Variants in RARS1 observed in about 807,000 individuals in gnomAD.
RARS1 encodes arginyl-tRNA synthetase 1.
RARS1 carries 75 observed loss-of-function variants against 78.7 expected under a neutral mutation model. The ratio of observed to expected loss-of-function variants is 0.95; its 90% CI spans 0.79 to 1.15. The LOEUF is 1.15. RARS1 is among the 50% of genes most tolerant of loss of function. RARS1 has a pLI of 0.00. For missense variants in RARS1, 787 were observed against 787.5 expected, an observed-to-expected ratio of 1.00 and a Z score of 0.01; for synonymous variants, 273 against 268.2, an observed-to-expected ratio of 1.02 and a Z score of -0.18.
At chr5:168,505,286 A>T (rs1582436643) in intron 9 of RARS1, among the ~76,000 whole-genome samples, 1 of 110 alleles carries the variant, frequency 9.1e-3, no homozygotes, top group Admixed American at 0.1. Context: ...AGCACTCTTA[A>T]TAGCTGCTAC....
At position 168,492,780 on chromosome 5, in the gene RARS1, T is replaced by C. The variant is rs763762651; in HGVS notation, c.302T>C (p.Leu101Pro). 6.2e-7 allele frequency: 1 copy of C among 1,613,964 alleles called. No individual in the cohort carries two copies. The highest frequency in any genetic ancestry group is 1.1e-5 in the South Asian group (1 of 91,074). The part of the protein sequence containing the change: ...AYPDLENPPL[L>P]VTPSQQAKFG... Reference sequence around the variant, plus strand: ...CCAGATTTGGAAAATCCTCCTCTGCTAGTGACACCAAGTCAGCAGGCCAAG... The same window carrying C: ...CCAGATTTGGAAAATCCTCCTCTGCCAGTGACACCAAGTCAGCAGGCCAAG... Residue 101 changes from leucine to proline, a missense_variant, in exon 3 of 15, where the codon CTA becomes CCA. Leu to Pro is a moderately conservative substitution (Grantham distance 98). Coordinates refer to ENST00000231572, the MANE Select transcript of RARS1 (RefSeq NM_002887.4).
chr5:168,507,815 G>A (rs1237747553), intron 11 of RARS1, among the ~76,000 whole-genome samples: 1 of 151,728 alleles, frequency 6.6e-6, no homozygotes, highest in Non-Finnish European at 1.5e-5. Flanking sequence ...CAATGCTGGA[G>A]GATTGTGTGA....
At chr5:168,513,723 T>G (rs1474434766) in intron 12 of RARS1, among the ~76,000 whole-genome samples, 1 of 152,194 alleles carries the variant, frequency 6.6e-6, no homozygotes, top group Non-Finnish European at 1.5e-5. Flanking sequence ...TTATTTTGCA[T>G]TAGACAATCA....
At chr5:168,495,166 G>A (rs2152903937) in intron 5 of RARS1, 149 bp from the exon 6 acceptor site, 1 of 1,329,068 alleles carries the variant, frequency 7.5e-7, no homozygotes, top group Non-Finnish European at 9.9e-7. Context: ...TTGAATTACG[G>A]CCCAAATTAA....
At chr5:168,514,156 T>G (rs1758619898) in intron 12 of RARS1, among the ~76,000 whole-genome samples, 1 of 152,220 alleles carries the variant, frequency 6.6e-6, no homozygotes, top group African/African-American at 2.4e-5. Flanking sequence ...AGGCTTTATT[T>G]TTAGTACTTT....
chr5:168,492,582 C>A, intron 2 of RARS1, 77 bp from the exon 3 acceptor site: 1 of 1,264,010 alleles, frequency 7.9e-7, no homozygotes, highest in South Asian at 1.5e-5. Context: ...GAGGTTTATA[C>A]TCAAAATATT....
chr5:168,517,624 T>C (rs1758697935), intron 13 of RARS1, among the ~76,000 whole-genome samples, 191 bp from the exon 14 acceptor site: 1 of 150,490 alleles, frequency 6.6e-6, no homozygotes, highest in Non-Finnish European at 1.5e-5. Context: ...AAAAGAATTA[T>C]ATTTCCATTT....
intron 10 of RARS1, among the ~76,000 whole-genome samples, chr5:168,506,434 A>G (rs983726253): frequency 9.2e-5 from 14 of 152,170 alleles, no homozygotes; most frequent in Admixed American, 4.6e-4. Flanking sequence ...AATTGTTCCT[A>G]TCAGTAGGGT....
intron 2 of RARS1, among the ~76,000 whole-genome samples, chr5:168,490,186 T>C (rs369198818): frequency 1.3e-5 from 2 of 152,360 alleles, no homozygotes; most frequent in Non-Finnish European, 1.5e-5. Flanking sequence ...GTGCTTGTCT[T>C]TGAGTCTTCT....
chr5:168,491,246 A>G (rs536192721), intron 2 of RARS1, among the ~76,000 whole-genome samples: 3 of 152,060 alleles, frequency 2.0e-5, no homozygotes, highest in East Asian at 1.9e-4. Context: ...TGTAATCTCA[A>G]TGCTTTGGGA....
At chr5:168,508,133 A>G (rs1282573294) in intron 11 of RARS1, among the ~76,000 whole-genome samples, 1 of 152,182 alleles carries the variant, frequency 6.6e-6, no homozygotes. Context: ...ATAGTATCTT[A>G]GTTTCTTAAC....
At position 168,492,720 on chromosome 5, in the gene RARS1, A is replaced by C. The variant is rs1417582258; in HGVS notation, c.242A>C (p.Gln81Pro). The change falls in exon 3 of 15, where the codon CAA becomes CCA. Residue 81 changes from glutamine to proline, a missense_variant. Transcript: ENST00000231572. ...KNMINIISRL[Q>P]EVFGHAIKAA... ...ATGATTAACATTATTAGCCGCCTAC[A>C]AGAGGTCTTTGGTCATGCAATTAAG... 3 of 1,612,898 alleles carry C rather than the reference A, an allele frequency of 1.9e-6. No individual in the cohort carries two copies. The highest frequency in any genetic ancestry group is 2.5e-6 in the Non-Finnish European group (3 of 1,179,008).
intron 8 of RARS1, among the ~76,000 whole-genome samples, chr5:168,501,736 A>G (rs1582434016): frequency 6.6e-6 from 1 of 152,314 alleles, no homozygotes; most frequent in East Asian, 1.9e-4. Context: ...AAATAATAAT[A>G]AAAAGAAAGT....
intron 12 of RARS1, among the ~76,000 whole-genome samples, chr5:168,511,412 A>G (rs1181805577): frequency 2.0e-5 from 3 of 151,666 alleles, no homozygotes; most frequent in Non-Finnish European, 4.4e-5. Flanking sequence ...AAGCAGGAGC[A>G]AGAGAGAGAG....
rs149489223 is a variant in RARS1, at chr5:168,486,508, C to T, written c.10C>T (p.Leu4=). The T allele has an allele frequency of 7.3e-4, 1,134 of 1,559,062 alleles. 6 individuals are homozygous for T. The highest frequency in any genetic ancestry group is 2.8e-4 in the Non-Finnish European group (325 of 1,150,638). Residue 4 remains leucine (L), a synonymous_variant, in exon 1 of 15, where the codon CTG becomes TTG. Transcript: ENST00000231572. ...AGACGCTGATGGGAGGATGGACGTA[C>T]TGGTGTCTGAGTGCTCCGCGCGGCT... MDV[L]VSECSARLLQ... is the part of the protein sequence containing the mutation.
chr5:168,494,518 G>C, intron 4 of RARS1, 32 bp from the exon 5 acceptor site: 1 of 1,603,430 alleles, frequency 6.2e-7, no homozygotes, highest in Non-Finnish European at 8.5e-7. Flanking sequence ...AGATAAGACA[G>C]TATCTGATAT....
chr5:168,493,791 A>T, intron 3 of RARS1, 103 bp from the exon 4 acceptor site: 1 of 826,018 alleles, frequency 1.2e-6, no homozygotes, highest in Non-Finnish European at 2.0e-6. Flanking sequence ...CTGCCTTTTG[A>T]TGGTTCTTAA....
rs149231446 is a variant in RARS1 at position 168,517,803 on chromosome 5, GT to G, written c.1626-4del. 1.3e-6 allele frequency: 2 copies of G among 1,598,386 alleles called. No homozygotes were observed. Among genetic ancestry groups the G allele is most frequent in the East Asian group, 2.2e-5 (1 of 44,624 alleles). On this transcript the variant is annotated splice_polypyrimidine_tract_variant and intron_variant, in intron 13 of 14. Coordinates refer to ENST00000231572, the MANE Select transcript of RARS1 (RefSeq NM_002887.4). The stretch of plus-strand genomic sequence containing the variant: ...GTGGTGATTGCCTGATGATTTTTTT[GT>G]TTTTTTTAAGGTCTATTGCACGTCT...
At chr5:168,517,589 C>T (rs1167135399) in intron 13 of RARS1, among the ~76,000 whole-genome samples, 1 of 152,114 alleles carries the variant, frequency 6.6e-6, no homozygotes, top group African/African-American at 2.4e-5. Flanking sequence ...TGTTTAAATA[C>T]CTAGAAAGTG....
Sources: gnomAD v4.1 joint callset for allele counts (sites outside exome capture counted in the v4.1 genomes callset) on GRCh38, gnomAD v4.1.1 for gene constraint, MANE v1.5 for transcripts, NCBI Gene and HGNC (gene_info 2026-07-23, HGNC 2026-07-21) for gene names.